ZNF14: variants seen among roughly 807,000 people sequenced by gnomAD.
ZNF14 encodes gonadotropin inducible transcription repressor-4.
ZNF14 carries 9 observed loss-of-function variants against 11.3 expected under a neutral mutation model. The observed-to-expected ratio is 0.80, with a 90% CI of 0.48 to 1.39. The LOEUF (loss-of-function observed/expected upper bound fraction) is 1.39, where lower values mean the gene tolerates loss of function less well. Among genes scored for constraint, ZNF14 ranks in the 40% most tolerant of loss-of-function variants. The pLI is 0.00. For synonymous variants in ZNF14, 239 were observed against 245.7 expected (o/e 0.97, Z 0.25); for missense variants, 711 against 763.9 (o/e 0.93, Z 0.82).
At chr19:19,714,729 T>TTTTTTTAG (rs2062373261) in intron 1 of ZNF14, among the ~76,000 whole-genome samples, 1 of 149,892 alleles carries the variant, frequency 6.7e-6, no homozygotes, top group Admixed American at 6.6e-5. Flanking sequence ...TTTTTTTTTT[T>TTTTTTTAG]GAGACAGAGT....
rs183550408 is a variant in ZNF14, at chr19:19,725,512, T to C, written c.3+7444A>G. ...TTTCTCTCTGGCTGCCCTTAACATT[T>C]TTCCCTTCATTTCAACTTTGGTGAA... On this transcript the variant is annotated intron_variant, in intron 1 of 3. Transcript: ENST00000344099. Among the ~76,000 whole-genome samples, 11 of 133,840 alleles carry C rather than the reference T, an allele frequency of 8.2e-5. 2 individuals are homozygous for C. In the East Asian group the frequency reaches 2.3e-3, roughly 28 times the overall value. 87.8% of individuals were successfully genotyped at this position (133,840 alleles called of 152,430 possible).
In ZNF14 at chr19:19,720,501, T is replaced by TG. The variant is rs1234172079; in HGVS notation, c.4-6015dup. ...AATAACAGGCGCCTGCCACCATGCCTGGCTAATTTTTTTGTATTTTTAGTA... is the reference window on the plus strand; with the variant it reads ...AATAACAGGCGCCTGCCACCATGCCTGGGCTAATTTTTTTGTATTTTTAGTA... On this transcript the variant is annotated intron_variant, in intron 1 of 3. Transcript: ENST00000344099. This position sits in a 1 kb window ranked among gnomAD's most constrained non-coding sequence, Gnocchi z 4.1. 6.6e-6 allele frequency among the ~76,000 whole-genome samples: 1 copy of TG among 151,914 alleles called. No individual in the cohort carries two copies. The highest frequency in any genetic ancestry group is 1.5e-5 in the Non-Finnish European group (1 of 67,958).
chr19:19,717,811 C>T (rs970918847), intron 1 of ZNF14, among the ~76,000 whole-genome samples: 1 of 152,202 alleles, frequency 6.6e-6, no homozygotes, highest in Admixed American at 6.5e-5. Context: ...CTACACCTTA[C>T]CACTATTGTC....
Position 19,720,806 on chromosome 19 carries a change from C to A in ZNF14, c.4-6319G>T, listed in dbSNP as rs1410011229. ...CACCTACCCTATAATCCCACAGCAG[C>A]AAGATGTATATAGAAATTAACCAGG... On this transcript the variant is annotated intron_variant, in intron 1 of 3. Coordinates refer to ENST00000344099, the MANE Select transcript of ZNF14 (RefSeq NM_021030.3). This position sits in a 1 kb window ranked among gnomAD's most constrained non-coding sequence, Gnocchi z 4.1. 6.6e-6 allele frequency among the ~76,000 whole-genome samples: 1 copy of A among 152,110 alleles called. No individual in the cohort carries two copies. The highest frequency in any genetic ancestry group is 1.5e-5 in the Non-Finnish European group (1 of 68,020).
intron 3 of ZNF14, among the ~76,000 whole-genome samples, chr19:19,713,467 A>G (rs7257691): frequency 0.51 from 76,943 of 149,470 alleles, 20,247 homozygotes; most frequent in Non-Finnish European, 0.59. Context: ...TTTTTTTTCC[A>G]AGATGGAGTC....
intron 1 of ZNF14, among the ~76,000 whole-genome samples, chr19:19,729,207 A>C (rs1387462597): frequency 6.6e-6 from 1 of 151,830 alleles, no homozygotes; most frequent in Non-Finnish European, 1.5e-5. Flanking sequence ...GGAACTCCTA[A>C]CCTCGTGATC....
Position 19,733,093 on chromosome 19 carries a change from G to A in ZNF14, c.-135C>T. The A allele has an allele frequency of 8.6e-7, 1 of 1,164,268 alleles. No individual in the cohort carries two copies. The highest frequency in any genetic ancestry group is 1.2e-6 in the Non-Finnish European group (1 of 819,370). 72.1% of individuals were successfully genotyped at this position (1,164,268 alleles called of 1,614,324 possible). Reference sequence around the variant, plus strand: ...TGAAACGCAATCTTCCCATGGGCCAGGAATGGCGACGTCCGCACTGCGCAG... The same window carrying A: ...TGAAACGCAATCTTCCCATGGGCCAAGAATGGCGACGTCCGCACTGCGCAG... On this transcript the variant is annotated 5_prime_UTR_variant, in exon 1 of 4. Transcript: ENST00000344099.
intron 1 of ZNF14, among the ~76,000 whole-genome samples, chr19:19,730,817 A>C (rs1296365198): frequency 1.3e-5 from 2 of 152,084 alleles, no homozygotes; most frequent in African/African-American, 4.8e-5. Flanking sequence ...GAGGCTGAGG[A>C]AGGAGAATCG....
rs1476718282 is a variant in ZNF14, at chr19:19,710,567, TATC to T, written c.*782_*784del. The stretch of plus-strand genomic sequence containing the variant: ...TCTTTATTAAATGAAAATATTTTTG[TATC>T]ATCAACAACAACAAAAGAACTAGGA... On this transcript the variant is annotated 3_prime_UTR_variant, in exon 4 of 4. Transcript: ENST00000344099. 6.6e-6 allele frequency: 1 copy of T among 152,252 alleles called. No individual in the cohort carries two copies. The allele number at this position is 152,252 out of a possible 1,614,324, so 9.4% of individuals were successfully genotyped here.
intron 1 of ZNF14, among the ~76,000 whole-genome samples, chr19:19,717,250 G>C (rs141495454): frequency 6.1e-4 from 93 of 152,244 alleles, no homozygotes; most frequent in African/African-American, 2.1e-3. Flanking sequence ...GAAGTCAGGA[G>C]AGTGATATAC....
At chr19:19,716,835 C>A (rs2062379135) in intron 1 of ZNF14, among the ~76,000 whole-genome samples, 1 of 152,068 alleles carries the variant, frequency 6.6e-6, no homozygotes, top group Admixed American at 6.6e-5. Context: ...ATTCCCAGAA[C>A]ATAATGTTCT....
At chr19:19,732,536 G>T (rs911880498) in intron 1 of ZNF14, among the ~76,000 whole-genome samples, 1 of 152,180 alleles carries the variant, frequency 6.6e-6, no homozygotes, top group Admixed American at 6.5e-5. Context: ...ACCTGACCCC[G>T]GCAGCAAGGA....
chr19:19,723,463 G>A (rs1024360043), intron 1 of ZNF14, among the ~76,000 whole-genome samples: 4 of 152,168 alleles, frequency 2.6e-5, no homozygotes, highest in African/African-American at 9.7e-5. Context: ...GCTTTTTGAT[G>A]TGCTGCTGGA....
At chr19:19,719,432 T>C (rs2062386362) in intron 1 of ZNF14, among the ~76,000 whole-genome samples, 2 of 152,168 alleles carry the variant, frequency 1.3e-5, no homozygotes, top group South Asian at 4.1e-4. Context: ...ATGGTAGCAA[T>C]GTTACAAAGG....
chr19:19,721,046 C>A (rs938364951), intron 1 of ZNF14, among the ~76,000 whole-genome samples: 1 of 152,192 alleles, frequency 6.6e-6, no homozygotes, highest in Non-Finnish European at 1.5e-5. Context: ...CAACCTCCAC[C>A]TCCCGGGTTC....
intron 1 of ZNF14, among the ~76,000 whole-genome samples, chr19:19,719,335 T>A (rs12982273): frequency 0.19 from 29,638 of 152,206 alleles, 3,684 homozygotes; most frequent in East Asian, 0.26. Flanking sequence ...ATACAATCTC[T>A]TTTTTGTAAT....
Position 19,733,037 on chromosome 19 carries a change from G to A in ZNF14, c.-79C>T. ...CAGGTCACGGCGCGACAAAGGATGC[G>A]CTAGAGCCACCTTCGGCCTTCAGGA... On this transcript the variant is annotated 5_prime_UTR_variant, in exon 1 of 4. Coordinates refer to ENST00000344099, the MANE Select transcript of ZNF14 (RefSeq NM_021030.3). The A allele has an allele frequency of 6.4e-7, 1 of 1,572,116 alleles. No individual in the cohort carries two copies. Among genetic ancestry groups the A allele is most frequent in the Non-Finnish European group, 8.7e-7 (1 of 1,153,366 alleles).
intron 1 of ZNF14, among the ~76,000 whole-genome samples, chr19:19,729,907 C>T (rs961189219): frequency 2.0e-5 from 3 of 152,138 alleles, no homozygotes; most frequent in African/African-American, 4.8e-5. Flanking sequence ...ATACCTAGAC[C>T]GATAAGCTTT....
rs543570923 is a variant in ZNF14, at chr19:19,713,553, AT to A, written c.192-465del. On this transcript the variant is annotated intron_variant, in intron 3 of 3. Transcript: ENST00000344099. ...AGCTTCTGCCTCCTGGGTTCCAGCA[AT>A]TTTCCTGCCTCAGCCTCCTGGGTAG... Among the ~76,000 whole-genome samples, 327 of 151,844 alleles carry A rather than the reference AT, an allele frequency of 2.2e-3. 1 individual carries two copies. The highest frequency in any genetic ancestry group is 6.8e-3 in the Middle Eastern group (2 of 294).
Sources: allele counts gnomAD v4.1 joint callset (sites outside exome capture counted in the v4.1 genomes callset), GRCh38; gene constraint gnomAD v4.1.1; non-coding constraint Gnocchi (gnomAD v3.1); transcripts MANE v1.5; gene names NCBI Gene and HGNC (gene_info 2026-07-23, HGNC 2026-07-21).